Variants in WWOX observed in about 807,000 individuals in gnomAD.
WWOX encodes the protein WW domain-containing oxidoreductase.
In WWOX, 69 loss-of-function variants were observed where a neutral mutation model predicts 46.2. That is an observed-to-expected ratio of 1.49 (90% CI 1.23 to 1.82). The LOEUF is 1.82. Ranked by LOEUF, WWOX falls within the 40% of genes most tolerant of loss-of-function variation. The probability of loss-of-function intolerance (pLI) is 0.00; values close to 1 mark genes in which losing one functional copy is unlikely to be tolerated. For missense variants in WWOX, 919 were observed against 542.6 expected (o/e 1.69, Z -6.89); for synonymous variants, 359 against 202.6 (o/e 1.77, Z -6.56).
intron 5 of WWOX, among the ~76,000 whole-genome samples, chr16:78,373,039 CTTT>C (rs2081731809): frequency 6.6e-6 from 1 of 152,120 alleles, no homozygotes. Context: ...AATCAATTGA[CTTT>C]TTCAACTCTG....
At chr16:78,807,213 C>T (rs1364447505) in intron 8 of WWOX, among the ~76,000 whole-genome samples, 1 of 152,130 alleles carries the variant, frequency 6.6e-6, no homozygotes, top group Non-Finnish European at 1.5e-5. Flanking sequence ...TGCTGTTTTT[C>T]ATGAATTTTC....
At chr16:79,147,898 G>GT (rs757774426) in intron 8 of WWOX, among the ~76,000 whole-genome samples, 1 of 151,848 alleles carries the variant, frequency 6.6e-6, no homozygotes, top group African/African-American at 2.4e-5. Flanking sequence ...GTCTATTAAT[G>GT]TTTTTTTCTC....
At chr16:78,455,509 A>G (rs2083793027) in intron 8 of WWOX, among the ~76,000 whole-genome samples, 1 of 151,596 alleles carries the variant, frequency 6.6e-6, no homozygotes, top group Non-Finnish European at 1.5e-5. Flanking sequence ...GGTGTGTGGT[A>G]GTGTGTGCCT....
chr16:78,578,270 A>ATATATATT (rs1567657323), intron 8 of WWOX, among the ~76,000 whole-genome samples: 1 of 26,850 alleles, frequency 3.7e-5, no homozygotes, highest in African/African-American at 1.3e-4. Flanking sequence ...ATATATATAT[A>ATATATATT]TATATATATA....
chr16:78,506,147 C>A (rs1026225216), intron 8 of WWOX, among the ~76,000 whole-genome samples: 1 of 152,194 alleles, frequency 6.6e-6, no homozygotes, highest in South Asian at 2.1e-4. Flanking sequence ...TGGGTAGTGA[C>A]TTCTGTGGAC....
intron 8 of WWOX, among the ~76,000 whole-genome samples, chr16:78,785,169 C>G (rs888202777): frequency 6.6e-6 from 1 of 152,198 alleles, no homozygotes; most frequent in Non-Finnish European, 1.5e-5. Flanking sequence ...GACTGGCTGT[C>G]TAAGAATTAA....
At chr16:78,825,826 C>T in intron 8 of WWOX, 1 of 598,950 alleles carries the variant, frequency 1.7e-6, no homozygotes. Context: ...TTCTGGGCAT[C>T]AAGGTGAAGG....
Position 79,183,650 on chromosome 16 carries a change from T to G in WWOX, c.1057-27958T>G, listed in dbSNP as rs141892691. 5.5e-3 allele frequency among the ~76,000 whole-genome samples: 845 copies of G among 152,318 alleles called. 5 individuals carry two copies. Among genetic ancestry groups the G allele is most frequent in the African/African-American group, 0.019 (795 of 41,564 alleles). ...TGGCAATAATAATTATTATAACAAA[T>G]GTATCAAATAACTATGTGTGAACTC... On this transcript the variant is annotated intron_variant, in intron 8 of 8. Coordinates refer to ENST00000566780, the MANE Select transcript of WWOX (RefSeq NM_016373.4).
intron 7 of WWOX, among the ~76,000 whole-genome samples, chr16:78,428,084 A>G (rs1053213801): frequency 9.2e-5 from 14 of 152,202 alleles, no homozygotes; most frequent in Non-Finnish European, 1.9e-4. Context: ...CAAAAACCCA[A>G]AAAGCAAAAC....
chr16:78,502,448 T>G (rs1167741333), intron 8 of WWOX, among the ~76,000 whole-genome samples: 2 of 152,248 alleles, frequency 1.3e-5, no homozygotes, highest in African/African-American at 4.8e-5. Context: ...TAGTCGTCTC[T>G]TGTGTCTGGT....
chr16:78,932,291 G>C (rs1427073272), intron 8 of WWOX, among the ~76,000 whole-genome samples: 1 of 152,156 alleles, frequency 6.6e-6, no homozygotes, highest in Non-Finnish European at 1.5e-5. Context: ...AAACAGAGAA[G>C]TGCTTCTTGT....
chr16:78,635,845 A>T (rs891802259), intron 8 of WWOX, among the ~76,000 whole-genome samples: 1 of 152,174 alleles, frequency 6.6e-6, no homozygotes, highest in African/African-American at 2.4e-5. Context: ...GTTTCCTTGC[A>T]GATATCATTG....
intron 8 of WWOX, among the ~76,000 whole-genome samples, chr16:78,676,670 G>T (rs2047607453): frequency 1.3e-5 from 2 of 152,134 alleles, no homozygotes; most frequent in Admixed American, 1.3e-4. Flanking sequence ...ACAGCTGAGT[G>T]AAGAAACATT....
At chr16:78,999,508 T>C (rs1944395325) in intron 8 of WWOX, among the ~76,000 whole-genome samples, 1 of 152,148 alleles carries the variant, frequency 6.6e-6, no homozygotes, top group South Asian at 2.1e-4. Flanking sequence ...ATGCTCTTGA[T>C]GGTACAGAAA....
intron 8 of WWOX, among the ~76,000 whole-genome samples, chr16:78,434,921 G>C (rs1006641758): frequency 6.6e-6 from 1 of 152,170 alleles, no homozygotes; most frequent in African/African-American, 2.4e-5. Context: ...GGCAAGTTCT[G>C]CTAAAATATA....
At chr16:78,639,862 G>A (rs894197599) in intron 8 of WWOX, among the ~76,000 whole-genome samples, 1 of 152,184 alleles carries the variant, frequency 6.6e-6, no homozygotes, top group Non-Finnish European at 1.5e-5. Context: ...CACCATGCTA[G>A]GCCCAGATTG....
chr16:78,516,599 C>T (rs888283903), intron 8 of WWOX, among the ~76,000 whole-genome samples: 6 of 152,104 alleles, frequency 3.9e-5, no homozygotes, highest in Non-Finnish European at 8.8e-5. Context: ...CAATTTTGTT[C>T]CCCAGCCATC....
chr16:78,812,211 A>G (rs1002174867), intron 8 of WWOX, among the ~76,000 whole-genome samples: 2 of 152,064 alleles, frequency 1.3e-5, no homozygotes, highest in Admixed American at 1.3e-4. Flanking sequence ...TTTAAAAGAC[A>G]AGATGACATC....
intron 5 of WWOX, chr16:78,264,560 T>G (rs1415372843): frequency 6.6e-6 from 1 of 152,126 alleles, no homozygotes; most frequent in African/African-American, 2.4e-5. Context: ...AAAGCACAAA[T>G]CACTTCCATC....
Sources: gnomAD v4.1 joint callset for allele counts (sites outside exome capture counted in the v4.1 genomes callset) on GRCh38, gnomAD v4.1.1 for gene constraint, MANE v1.5 for transcripts, NCBI Gene and HGNC (gene_info 2026-07-23, HGNC 2026-07-21) for gene names.